Variants in ZBTB20 observed in about 807,000 individuals in gnomAD.
The protein encoded by ZBTB20 is zinc finger and BTB domain-containing protein 20.
In ZBTB20, 9 loss-of-function variants were observed where a neutral mutation model predicts 56.9. The observed-to-expected ratio is 0.16, with a 90% CI of 0.10 to 0.28. The LOEUF is 0.28. ZBTB20 is among the 10% of genes least tolerant of loss of function. The pLI is 1.00. For synonymous variants in ZBTB20, 417 were observed against 420.7 expected, an observed-to-expected ratio of 0.99 and a Z score of 0.11; for missense variants, 655 against 1,003.0, an observed-to-expected ratio of 0.65 and a Z score of 4.69.
chr3:114,917,450 A>G (rs2075788609), intron 3 of ZBTB20, among the ~76,000 whole-genome samples: 1 of 152,166 alleles, frequency 6.6e-6, no homozygotes, highest in Non-Finnish European at 1.5e-5. Flanking sequence ...ACAGTGAAGA[A>G]GTAGGTATTT....
intron 1 of ZBTB20, among the ~76,000 whole-genome samples, chr3:115,129,883 A>C (rs1338615963): frequency 2.6e-5 from 4 of 152,198 alleles, no homozygotes. Context: ...CCTTCCATGC[A>C]TTCCACTCTT....
intron 3 of ZBTB20, chr3:114,900,602 G>A (rs898818482): frequency 6.0e-5 from 9 of 150,730 alleles, no homozygotes; most frequent in African/African-American, 2.2e-4. Flanking sequence ...GACTCACCAT[G>A]GCCTCTGAAA....
intron 3 of ZBTB20, among the ~76,000 whole-genome samples, chr3:114,950,183 G>A (rs1399884560): frequency 3.3e-5 from 5 of 152,088 alleles, no homozygotes; most frequent in Non-Finnish European, 7.4e-5. Flanking sequence ...CTCCCTTAGT[G>A]AATACCTGAA....
chr3:114,739,133 G>A (rs1032598822), intron 5 of ZBTB20, among the ~76,000 whole-genome samples: 16 of 152,144 alleles, frequency 1.1e-4, no homozygotes, highest in Admixed American at 3.9e-4. Flanking sequence ...ATACCTGGGT[G>A]GTTTTAAGAG....
intron 7 of ZBTB20, among the ~76,000 whole-genome samples, chr3:114,406,462 T>A (rs1043654204): frequency 6.6e-6 from 1 of 152,154 alleles, no homozygotes; most frequent in Non-Finnish European, 1.5e-5. Context: ...GGAAGTTGCA[T>A]AAGCAATGAA....
chr3:114,618,019 T>C (rs1160038641), intron 6 of ZBTB20, among the ~76,000 whole-genome samples: 1 of 151,584 alleles, frequency 6.6e-6, no homozygotes, highest in Admixed American at 6.6e-5. Flanking sequence ...CATATATATA[T>C]ATATTTTATC....
At chr3:114,426,356 AAAAAAAAAAAAAAAAT>A (rs1386450912) in intron 7 of ZBTB20, among the ~76,000 whole-genome samples, 202 of 138,624 alleles carry the variant, frequency 1.5e-3, no homozygotes, top group African/African-American at 5.0e-3. Flanking sequence ...AAAAAAAAAA[AAAAAAAAAAAAAAAAT>A]TGCCTCCTCA....
chr3:114,577,327 G>T (rs749812313), intron 6 of ZBTB20, among the ~76,000 whole-genome samples: 3 of 151,888 alleles, frequency 2.0e-5, no homozygotes, highest in Non-Finnish European at 4.4e-5. Context: ...GTTGCCACAA[G>T]CCTTCAGTTT....
chr3:115,035,152 T>A (rs1437176677), intron 2 of ZBTB20, among the ~76,000 whole-genome samples: 1 of 152,124 alleles, frequency 6.6e-6, no homozygotes, highest in Non-Finnish European at 1.5e-5. Flanking sequence ...TTCATCATAC[T>A]GGATTTGGCA....
chr3:115,059,475 C>CA (rs1292927827), intron 2 of ZBTB20, among the ~76,000 whole-genome samples: 1 of 152,204 alleles, frequency 6.6e-6, no homozygotes, highest in South Asian at 2.1e-4. Context: ...GAACAAAACT[C>CA]AAACACTTCC....
intron 4 of ZBTB20, among the ~76,000 whole-genome samples, chr3:114,875,848 C>T (rs1020492711): frequency 6.6e-6 from 1 of 152,188 alleles, no homozygotes; most frequent in Non-Finnish European, 1.5e-5. Context: ...CTGCAAGACA[C>T]TTTACGTACA....
chr3:114,844,236 T>C (rs1034585430), intron 4 of ZBTB20, among the ~76,000 whole-genome samples: 3 of 150,366 alleles, frequency 2.0e-5, no homozygotes, highest in African/African-American at 7.4e-5. Context: ...ATTTTTATAA[T>C]AGAATTCAAA....
At chr3:114,907,961 G>A (rs2075383148) in intron 3 of ZBTB20, among the ~76,000 whole-genome samples, 1 of 151,842 alleles carries the variant, frequency 6.6e-6, no homozygotes, top group Admixed American at 6.6e-5. Flanking sequence ...ATTGGGAGTT[G>A]GGGTTGAAAT....
At chr3:114,724,822 G>C (rs925298346) in intron 5 of ZBTB20, among the ~76,000 whole-genome samples, 2 of 152,052 alleles carry the variant, frequency 1.3e-5, no homozygotes, top group African/African-American at 4.8e-5. Context: ...GATTTGATTT[G>C]CCAAAGAAAA....
chr3:114,354,769 G>A (rs2081059043), intron 10 of ZBTB20, among the ~76,000 whole-genome samples: 1 of 151,866 alleles, frequency 6.6e-6, no homozygotes, highest in South Asian at 2.1e-4. Context: ...TTTAGTAGAT[G>A]AGTTTTCACC....
rs1462219121 is a variant in ZBTB20 at position 114,337,224 on chromosome 3, T to G, written c.*1781A>C. 6.6e-6 allele frequency: 1 copy of G among 152,196 alleles called. No individual in the cohort carries two copies. The highest frequency in any genetic ancestry group is 2.4e-5 in the African/African-American group (1 of 41,448). 9.4% of individuals were successfully genotyped at this position (152,196 alleles called of 1,614,324 possible). A position where few individuals can be genotyped will look rare whatever the true frequency, so the allele number is the denominator to read the frequency against. ...GGTGGAAACAGTCAGAAGGTGATAT[T>G]TGGAAGGAAAAAAGTAATTTTGGCA... On this transcript the variant is annotated 3_prime_UTR_variant, in exon 12 of 12. Transcript: ENST00000675478.
At chr3:114,758,715 C>T (rs756073114) in intron 5 of ZBTB20, among the ~76,000 whole-genome samples, 1 of 152,106 alleles carries the variant, frequency 6.6e-6, no homozygotes, top group African/African-American at 2.4e-5. Context: ...CTCATTCTCA[C>T]GTCTCTAACT....
chr3:114,898,147 C>T (rs1291945296), intron 4 of ZBTB20, among the ~76,000 whole-genome samples: 1 of 152,070 alleles, frequency 6.6e-6, no homozygotes, highest in Non-Finnish European at 1.5e-5. Context: ...ATTAAACACA[C>T]ATTTTATTTT....
chr3:114,568,166 T>A (rs949446606), intron 6 of ZBTB20, among the ~76,000 whole-genome samples: 1 of 152,234 alleles, frequency 6.6e-6, no homozygotes, highest in African/African-American at 2.4e-5. Flanking sequence ...GAACTAGTGC[T>A]CAGCAGCAGT....
Sources: allele counts gnomAD v4.1 joint callset (sites outside exome capture counted in the v4.1 genomes callset), GRCh38; gene constraint gnomAD v4.1.1; transcripts MANE v1.5; gene names NCBI Gene and HGNC (gene_info 2026-07-23, HGNC 2026-07-21).